ADAMTS12: variants seen among roughly 807,000 people sequenced by gnomAD.
ADAMTS12 encodes the protein ADAM metallopeptidase with thrombospondin type 1 motif 12.
A neutral mutation model predicts 167.8 loss-of-function variants in ADAMTS12; 118 were observed. That is an observed-to-expected ratio of 0.70 (90% CI 0.61 to 0.82). The LOEUF (loss-of-function observed/expected upper bound fraction) is 0.82, where lower values mean the gene tolerates loss of function less well. Ranked by LOEUF, ADAMTS12 falls within the 40% of genes least tolerant of loss-of-function variation. The probability of loss-of-function intolerance (pLI) is 0.00; values close to 1 mark genes in which losing one functional copy is unlikely to be tolerated. For synonymous variants in ADAMTS12, 704 were observed against 716.9 expected (o/e 0.98, Z 0.29); for missense variants, 1,916 against 1,998.8 (o/e 0.96, Z 0.79).
chr5:33,889,882 G>A (rs2111812630), intron 1 of ADAMTS12, among the ~76,000 whole-genome samples: 1 of 152,262 alleles, frequency 6.6e-6, no homozygotes, highest in Admixed American at 6.5e-5. Flanking sequence ...AACCCGGGAG[G>A]CAGAGGTTGC....
intron 20 of ADAMTS12, among the ~76,000 whole-genome samples, chr5:33,556,276 T>A (rs1222948554): frequency 6.6e-6 from 1 of 152,218 alleles, no homozygotes; most frequent in Non-Finnish European, 1.5e-5. Context: ...ATACATCTGA[T>A]TCCAAGTCAG....
At chr5:33,857,326 C>G (rs1259698610) in intron 2 of ADAMTS12, among the ~76,000 whole-genome samples, 1 of 151,642 alleles carries the variant, frequency 6.6e-6, no homozygotes, top group Non-Finnish European at 1.5e-5. Flanking sequence ...TGATTAATTT[C>G]TAGAGATCTA....
At chr5:33,879,527 C>G (rs1204976111) in intron 2 of ADAMTS12, among the ~76,000 whole-genome samples, 1 of 152,128 alleles carries the variant, frequency 6.6e-6, no homozygotes, top group East Asian at 1.9e-4. Context: ...AGCCGTGGAG[C>G]TGGGAAATGT....
intron 11 of ADAMTS12, 101 bp from the exon 12 acceptor site, chr5:33,637,847 T>A (rs1182332504): frequency 2.8e-5 from 36 of 1,275,322 alleles, no homozygotes; most frequent in Non-Finnish European, 3.9e-5. Flanking sequence ...GATGTCTCTC[T>A]ATGCCCTCAA....
chr5:33,797,637 G>A (rs576001042), intron 2 of ADAMTS12, among the ~76,000 whole-genome samples: 4 of 151,898 alleles, frequency 2.6e-5, no homozygotes, highest in Admixed American at 6.6e-5. Context: ...GACTATGTTC[G>A]CATTCCTTAT....
At chr5:33,624,408 G>A (rs1739482358) in intron 13 of ADAMTS12, 57 bp from the exon 14 acceptor site, 1 of 1,607,308 alleles carries the variant, frequency 6.2e-7, no homozygotes, top group East Asian at 2.2e-5. Context: ...ACTCTTGCCT[G>A]GATCTGTGAC....
intron 18 of ADAMTS12, among the ~76,000 whole-genome samples, chr5:33,584,732 G>T (rs949255872): frequency 2.0e-5 from 3 of 152,104 alleles, no homozygotes; most frequent in African/African-American, 7.2e-5. Flanking sequence ...ACTGGCTCAA[G>T]GCCACACAAT....
At chr5:33,715,649 C>T (rs897293700) in intron 3 of ADAMTS12, among the ~76,000 whole-genome samples, 1 of 152,072 alleles carries the variant, frequency 6.6e-6, no homozygotes, top group Non-Finnish European at 1.5e-5. Context: ...TTACTGCACT[C>T]TACAACAGGA....
chr5:33,539,854 G>T (rs547534481), intron 22 of ADAMTS12, among the ~76,000 whole-genome samples: 1 of 130,744 alleles, frequency 7.6e-6, no homozygotes, highest in Non-Finnish European at 1.7e-5. Flanking sequence ...AATAGGAAGA[G>T]CTCTGGTCTG....
Position 33,549,334 on chromosome 5 carries a change from AC to A in ADAMTS12, c.4174del (p.Val1392TrpfsTer9), listed in dbSNP as rs1745141412. 1 of 1,613,970 alleles carries A rather than the reference AC, an allele frequency of 6.2e-7. No homozygotes were observed. On this transcript the variant is annotated frameshift_variant, in exon 21 of 24. Transcript: ENST00000504830. LOFTEE classifies it high-confidence loss of function. ...CAGGTTCCGGTGGTCCCGGCTGTCC[AC>A]GCACTGAATCTCGCGTATCTTGAAG... ...GGFKIREIQC[V>X]DSRDHRNLRP...
At chr5:33,538,292 T>A (rs1744511148) in intron 22 of ADAMTS12, among the ~76,000 whole-genome samples, 1 of 152,006 alleles carries the variant, frequency 6.6e-6, no homozygotes, top group Admixed American at 6.6e-5. Context: ...AACCATCAGA[T>A]CTTGTGAGAA....
rs963489658 is a variant in ADAMTS12 at position 33,725,913 on chromosome 5, G to A, written c.634+25491C>T. Among the ~76,000 whole-genome samples the A allele has an allele frequency of 3.3e-5, 5 of 152,258 alleles. No individual in the cohort carries two copies. In the South Asian group the frequency reaches 6.2e-4, roughly 19 times the overall value. On this transcript the variant is annotated intron_variant, in intron 3 of 23. Transcript: ENST00000504830. ...AAATCTGCAACTTAACAAATTCCCC[G>A]GGGGATTCTGATGCACACTCTCGTG...
intron 2 of ADAMTS12, among the ~76,000 whole-genome samples, chr5:33,856,763 A>T (rs746413088): frequency 2.6e-5 from 4 of 152,252 alleles, no homozygotes; most frequent in Non-Finnish European, 2.9e-5. Context: ...AAGTTTGGCC[A>T]TGATGCGAAG....
At chr5:33,532,082 A>T (rs1027880229) in intron 23 of ADAMTS12, among the ~76,000 whole-genome samples, 24 of 152,238 alleles carry the variant, frequency 1.6e-4, no homozygotes, top group African/African-American at 5.1e-4. Context: ...AATTATGGGC[A>T]ACTTGGAGGG....
chr5:33,601,964 G>A (rs1738209657), intron 16 of ADAMTS12, among the ~76,000 whole-genome samples: 1 of 152,046 alleles, frequency 6.6e-6, no homozygotes, highest in African/African-American at 2.4e-5. Flanking sequence ...CCACAATCAA[G>A]AGTATTCCTG....
chr5:33,638,026 C>T (rs982137946), intron 11 of ADAMTS12, among the ~76,000 whole-genome samples: 2 of 152,154 alleles, frequency 1.3e-5, no homozygotes, highest in South Asian at 2.1e-4. Flanking sequence ...ATTTTCCTTT[C>T]GAGTATGCTC....
chr5:33,538,513 T>C (rs1744524432), intron 22 of ADAMTS12, among the ~76,000 whole-genome samples: 1 of 152,164 alleles, frequency 6.6e-6, no homozygotes, highest in Non-Finnish European at 1.5e-5. Flanking sequence ...CAATGGGACT[T>C]GCTCAGTGCC....
chr5:33,547,949 T>C (rs558658826), intron 21 of ADAMTS12, among the ~76,000 whole-genome samples: 55 of 152,232 alleles, frequency 3.6e-4, no homozygotes, highest in African/African-American at 1.2e-3. Context: ...AGGCACTTCA[T>C]GTACTCAAGA....
At chr5:33,659,200 C>G (rs1262105148) in intron 6 of ADAMTS12, among the ~76,000 whole-genome samples, 2 of 152,060 alleles carry the variant, frequency 1.3e-5, no homozygotes, top group African/African-American at 4.8e-5. Flanking sequence ...CTTTGAGAAC[C>G]CATGTGAATC....
Sources: allele counts gnomAD v4.1 joint callset (sites outside exome capture counted in the v4.1 genomes callset), GRCh38; gene constraint gnomAD v4.1.1; transcripts MANE v1.5; gene names NCBI Gene and HGNC (gene_info 2026-07-23, HGNC 2026-07-21).